Variants in ATXN3 observed in about 807,000 individuals in gnomAD.
The protein encoded by ATXN3 is ataxin-3.
In ATXN3, 28 loss-of-function variants were observed where a neutral mutation model predicts 58.2. The ratio of observed to expected loss-of-function variants is 0.48; its 90% CI spans 0.36 to 0.66. The LOEUF (loss-of-function observed/expected upper bound fraction) is 0.66, where lower values mean the gene tolerates loss of function less well. Ranked by LOEUF, ATXN3 falls within the 30% of genes least tolerant of loss-of-function variation. The pLI is 0.00. For missense variants in ATXN3, 321 were observed against 422.1 expected (o/e 0.76, Z 2.10); for synonymous variants, 113 against 138.5 (o/e 0.82, Z 1.29).
At chr14:92,057,146 G>A (rs1292654771), downstream of ATXN3, among the ~76,000 whole-genome samples, 1 of 152,168 alleles carries the variant, frequency 6.6e-6, no homozygotes, top group Non-Finnish European at 1.5e-5. Flanking sequence ...GAAATAACCA[G>A]CCAGGCGAGG....
chr14:92,047,540 G>T (rs748592300), intron 2 of ATXN3, among the ~76,000 whole-genome samples: 4 of 152,064 alleles, frequency 2.6e-5, no homozygotes, highest in Admixed American at 6.6e-5. Flanking sequence ...GAGTGGAGGT[G>T]TCCCATACTT....
intron 9 of ATXN3, among the ~76,000 whole-genome samples, chr14:92,079,720 A>G (rs1202181314): frequency 3.3e-5 from 5 of 152,112 alleles, no homozygotes; most frequent in African/African-American, 1.2e-4. Context: ...TTATCTTGTA[A>G]TCTTTAACAT....
Position 92,083,258 on chromosome 14 carries a change from C to T in ATXN3, c.476G>A (p.Gly159Asp), listed in dbSNP as rs1375673230. 1 of 1,592,482 alleles carries T rather than the reference C, an allele frequency of 6.3e-7. No homozygotes were observed. Among genetic ancestry groups the T allele is most frequent in the Non-Finnish European group, 8.5e-7 (1 of 1,174,374 alleles). ...ALFLAQLQQE[G>D]YSIFVVKGDL... ...ACCCTTAACGACAAATATAGAATAACCTAAAAAAAAAAGGCAAAAATCAAC... is the reference window on the plus strand; with the variant it reads ...ACCCTTAACGACAAATATAGAATAATCTAAAAAAAAAAGGCAAAAATCAAC... Residue 159 changes from glycine (G) to aspartate (D), a missense_variant and splice_region_variant, in exon 7 of 11, where the codon GGT becomes GAT. Coordinates refer to ENST00000644486, the MANE Select transcript of ATXN3 (RefSeq NM_004993.6).
rs146404413 is a variant in ATXN3, at chr14:92,075,987, C to G, written c.873-4934G>C. On this transcript the variant is annotated intron_variant, in intron 9 of 10. Transcript: ENST00000644486. ...ATCACTGCACACTTTCCTCCTCAAT[C>G]AATCCTCCACCAAGTAGGAAGGAGG... is the stretch of plus-strand genomic sequence containing the variant. Among the ~76,000 whole-genome samples the G allele has an allele frequency of 2.3e-3, 346 of 152,328 alleles. 1 individual carries two copies. The highest frequency in any genetic ancestry group is 7.2e-3 in the African/African-American group (300 of 41,566).
At chr14:92,101,166 A>C (rs1399296084) in intron 1 of ATXN3, among the ~76,000 whole-genome samples, 2 of 152,210 alleles carry the variant, frequency 1.3e-5, no homozygotes, top group Non-Finnish European at 2.9e-5. Flanking sequence ...TGTTCAGTAC[A>C]AATTTAAAAA....
intron 9 of ATXN3, among the ~76,000 whole-genome samples, chr14:92,079,796 G>A (rs2061119693): frequency 6.6e-6 from 1 of 152,138 alleles, no homozygotes; most frequent in African/African-American, 2.4e-5. Context: ...GGAGTGCAAT[G>A]GCGTTATCTC....
chr14:92,082,276 C>T (rs1257640730), intron 8 of ATXN3, 24 bp downstream of exon 8: 1 of 1,599,706 alleles, frequency 6.3e-7, no homozygotes. Flanking sequence ...GCAATGAATA[C>T]AACACACATC....
intron 1 of ATXN3, among the ~76,000 whole-genome samples, chr14:92,100,430 G>C (rs2066502450): frequency 6.6e-6 from 1 of 151,870 alleles, no homozygotes. Context: ...CCCCAAACTG[G>C]AAACGACCCA....
chr14:92,106,410 C>A lies in ATXN3; in HGVS notation c.24+119G>T, dbSNP rs919570532. On this transcript the variant is annotated intron_variant, in intron 1 of 10. Coordinates refer to ENST00000644486, the MANE Select transcript of ATXN3 (RefSeq NM_004993.6). ...GGGAGGCTGCGGCGTCGCCCCTCGC[C>A]GGGCGAGATCGGCATGGGGGCGACT... 7 of 1,344,170 alleles carry A rather than the reference C, an allele frequency of 5.2e-6. No homozygotes were observed. In the Admixed American group the frequency reaches 7.5e-5, roughly 14 times the overall value. 83.3% of individuals were successfully genotyped at this position (1,344,170 alleles called of 1,614,324 possible).
In ATXN3 at chr14:92,079,212, T is replaced by C. The variant is rs1246862102; in HGVS notation, c.872+1753A>G. ...AAAAAAAAAAAAAAAAAAAGCAAGATTGGCCGTGTGCTAGTATTTGTTGAA... is the reference window on the plus strand; with the variant it reads ...AAAAAAAAAAAAAAAAAAAGCAAGACTGGCCGTGTGCTAGTATTTGTTGAA... On this transcript the variant is annotated intron_variant, in intron 9 of 10. Coordinates refer to ENST00000644486, the MANE Select transcript of ATXN3 (RefSeq NM_004993.6). Among the ~76,000 whole-genome samples, 4 of 143,792 alleles carry C rather than the reference T, an allele frequency of 2.8e-5. No individual in the cohort carries two copies. The East Asian group carries it at 8.1e-4, about 29-fold the overall frequency. 94.3% of individuals were successfully genotyped at this position (143,792 alleles called of 152,430 possible). A position where few individuals can be genotyped will look rare whatever the true frequency, so the allele number is the denominator to read the frequency against.
intron 2 of ATXN3, 159 bp from the exon 3 acceptor site, chr14:92,096,296 T>C (rs879369859): frequency 5.5e-5 from 82 of 1,500,388 alleles, no homozygotes; most frequent in Non-Finnish European, 6.6e-5. Flanking sequence ...ATAGGAAGAA[T>C]GGCCCATCCT....
At chr14:92,075,156 GTTTTTTTTT>G (rs376552690) in intron 9 of ATXN3, among the ~76,000 whole-genome samples, 99 of 111,320 alleles carry the variant, frequency 8.9e-4, no homozygotes, top group African/African-American at 2.0e-3. Flanking sequence ...GTAATAGGGA[GTTTTTTTTT>G]TTTTTTTTTT....
At chr14:92,095,890 C>G (rs1020889202) in intron 3 of ATXN3, among the ~76,000 whole-genome samples, 1 of 151,650 alleles carries the variant, frequency 6.6e-6, no homozygotes, top group Non-Finnish European at 1.5e-5. Context: ...TACAGTGAGC[C>G]AAGATCACGC....
At chr14:92,080,051 TAA>T (rs948590614) in intron 9 of ATXN3, among the ~76,000 whole-genome samples, 1 of 147,482 alleles carries the variant, frequency 6.8e-6, no homozygotes. Context: ...TATTTTTCTT[TAA>T]AAAAAAAAAG....
chr14:92,071,537 C>G, intron 9 of ATXN3: 1 of 327,710 alleles, frequency 3.1e-6, no homozygotes, highest in South Asian at 2.5e-5. Context: ...GTAGAGGTTG[C>G]AGTGAGCCAA....
At chr14:92,049,268 G>C (rs1228291844) in intron 1 of ATXN3, among the ~76,000 whole-genome samples, 1 of 152,160 alleles carries the variant, frequency 6.6e-6, no homozygotes, top group Non-Finnish European at 1.5e-5. Flanking sequence ...ACGGAGAAGG[G>C]GGTGGGTGAG....
At chr14:92,082,113 A>C (rs562218818) in intron 8 of ATXN3, among the ~76,000 whole-genome samples, 187 bp downstream of exon 8, 1 of 152,354 alleles carries the variant, frequency 6.6e-6, no homozygotes, top group East Asian at 1.9e-4. Context: ...AACTACTCCT[A>C]ATAAAATATA....
At chr14:92,091,130 T>C (rs2063692947) in intron 5 of ATXN3, among the ~76,000 whole-genome samples, 1 of 151,990 alleles carries the variant, frequency 6.6e-6, no homozygotes, top group South Asian at 2.1e-4. Context: ...AACTTGCTCT[T>C]GGCTCCTCAG....
intron 10 of ATXN3, among the ~76,000 whole-genome samples, chr14:92,069,827 C>T (rs1027624066): frequency 1.4e-4 from 21 of 152,002 alleles, no homozygotes; most frequent in Non-Finnish European, 5.9e-5. Context: ...TTTACATTCC[C>T]ATTAACAGTA....
Sources: gnomAD v4.1 joint callset for allele counts (sites outside exome capture counted in the v4.1 genomes callset) on GRCh38, gnomAD v4.1.1 for gene constraint, MANE v1.5 for transcripts, NCBI Gene and HGNC (gene_info 2026-07-23, HGNC 2026-07-21) for gene names.